Variants in ARFGEF1 observed in about 807,000 individuals in gnomAD.
The protein encoded by ARFGEF1 is ARF guanine nucleotide exchange factor 1.
Under a neutral mutation model 231.0 loss-of-function variants are expected in ARFGEF1, and 42 were observed. That is an observed-to-expected ratio of 0.18 (90% CI 0.14 to 0.24). The LOEUF is 0.24. Among genes scored for constraint, ARFGEF1 ranks in the 10% least tolerant of loss-of-function variants. The pLI is 1.00. For synonymous variants in ARFGEF1, 710 were observed against 732.3 expected, an observed-to-expected ratio of 0.97 and a Z score of 0.49; for missense variants, 1,345 against 2,192.0, an observed-to-expected ratio of 0.61 and a Z score of 7.72.
intron 1 of ARFGEF1, among the ~76,000 whole-genome samples, chr8:67,323,157 CAGG>C (rs1434612192): frequency 6.6e-6 from 1 of 152,106 alleles, no homozygotes; most frequent in Non-Finnish European, 1.5e-5. Context: ...GAGGCTGAGG[CAGG>C]AGAATTGCTT....
intron 3 of ARFGEF1, among the ~76,000 whole-genome samples, chr8:67,300,973 AAC>A (rs1335083220): frequency 3.9e-5 from 6 of 152,214 alleles, no homozygotes; most frequent in Non-Finnish European, 7.3e-5. Context: ...AGACCAAATC[AAC>A]ACTTTTCATT....
At chr8:67,175,991 T>A (rs1251092348) in intron 5 of ARFGEF1, among the ~76,000 whole-genome samples, 2 of 152,042 alleles carry the variant, frequency 1.3e-5, no homozygotes, top group African/African-American at 4.8e-5. Flanking sequence ...ATGCTGCTGC[T>A]CTTGAGGAGG....
At position 67,263,852 on chromosome 8, in the gene ARFGEF1, G is replaced by C. The variant is rs371282026; in HGVS notation, c.2123+2154C>G. 3.3e-5 allele frequency among the ~76,000 whole-genome samples: 5 copies of C among 152,296 alleles called. No homozygotes were observed. In the East Asian group the frequency reaches 7.7e-4, roughly 24 times the overall value. On this transcript the variant is annotated intron_variant, in intron 14 of 38. Coordinates refer to ENST00000262215, the MANE Select transcript of ARFGEF1 (RefSeq NM_006421.5). ...TAACACAGTAGAAGTAACTAACTTA[G>C]ATGGTCATAATATATTTCCTGGGAA...
chr8:67,290,025 T>TA (rs1479966954), intron 6 of ARFGEF1, among the ~76,000 whole-genome samples: 3 of 152,312 alleles, frequency 2.0e-5, no homozygotes, highest in African/African-American at 7.2e-5. Context: ...AGGAAATGCT[T>TA]AGAGAAGTTA....
At chr8:67,252,269 C>T (rs1447517471) in intron 18 of ARFGEF1, among the ~76,000 whole-genome samples, 1 of 61,092 alleles carries the variant, frequency 1.6e-5, no homozygotes, top group African/African-American at 6.8e-5. Context: ...GCCTGGGCAA[C>T]AAAACTCCAT....
chr8:67,325,436 T>C (rs976585677), intron 1 of ARFGEF1, among the ~76,000 whole-genome samples: 12 of 152,214 alleles, frequency 7.9e-5, no homozygotes, highest in African/African-American at 2.4e-4. Flanking sequence ...TTCCTATCTA[T>C]TGTCTCCTTA....
intron 1 of ARFGEF1, among the ~76,000 whole-genome samples, chr8:67,311,547 C>T (rs1442699057): frequency 6.8e-6 from 1 of 146,960 alleles, no homozygotes; most frequent in Admixed American, 6.6e-5. Context: ...GCCAGCCGCC[C>T]AGTCTGGGAG....
At chr8:67,239,935 A>T (rs1300417195) in intron 20 of ARFGEF1, among the ~76,000 whole-genome samples, 5 of 152,184 alleles carry the variant, frequency 3.3e-5, no homozygotes, top group Non-Finnish European at 1.5e-5. Context: ...ATAGAGAAAA[A>T]AAACTGTAAC....
At chr8:67,225,623 GAC>G (rs1355583898) in intron 28 of ARFGEF1, among the ~76,000 whole-genome samples, 2 of 152,092 alleles carry the variant, frequency 1.3e-5, no homozygotes, top group Admixed American at 1.3e-4. Context: ...ACACAGCACA[GAC>G]AGACAAGATG....
rs777168459 is a variant in ARFGEF1 at position 67,226,128 on chromosome 8, C to G, written c.3972G>C (p.Val1324=). 1 of 1,612,958 alleles carries G rather than the reference C, an allele frequency of 6.2e-7. No homozygotes were observed. The highest frequency in any genetic ancestry group is 1.1e-5 in the South Asian group (1 of 90,910). Residue 1324 remains valine (V), a synonymous_variant, in exon 28 of 39, where the codon GTG becomes GTC. Coordinates refer to ENST00000262215, the MANE Select transcript of ARFGEF1 (RefSeq NM_006421.5). Reference sequence around the variant, plus strand: ...TGCACGCAAATTCAGACAAACACTTCACTGCATCCTGGAAAGAATCAATGG... The same window carrying G: ...TGCACGCAAATTCAGACAAACACTTGACTGCATCCTGGAAAGAATCAATGG... ...PATIDSFQDA[V]KCLSEFACNA...
rs1197909586 is a variant in ARFGEF1 at position 67,266,090 on chromosome 8, C to T, written c.2039G>A (p.Ser680Asn). 9 of 1,613,738 alleles carry T rather than the reference C, an allele frequency of 5.6e-6. No individual in the cohort carries two copies. Among genetic ancestry groups the T allele is most frequent in the Non-Finnish European group, 7.6e-6 (9 of 1,179,822 alleles). Reference sequence around the variant, plus strand: ...ATTATCAGTGCCAGACATCTGTGTACTGTAGCTGCCTATTCCTGATGATGA... The same window carrying T: ...ATTATCAGTGCCAGACATCTGTGTATTGTAGCTGCCTATTCCTGATGATGA... ...STSSSGIGSY[S>N]TQMSGTDNPE... Residue 680 changes from serine (S) to asparagine (N), a missense_variant, in exon 14 of 39, where the codon AGT becomes AAT. Ser to Asn is a conservative substitution (Grantham distance 46, BLOSUM62 1). Transcript: ENST00000262215.
chr8:67,271,995 G>C, intron 9 of ARFGEF1, 59 bp from the exon 10 acceptor site: 2 of 1,021,502 alleles, frequency 2.0e-6, no homozygotes, highest in East Asian at 5.0e-5. Flanking sequence ...AGTAATAACA[G>C]GTTGTTCCAA....
downstream of ARFGEF1, among the ~76,000 whole-genome samples, chr8:67,195,060 C>G (rs1029942516): frequency 2.6e-5 from 4 of 152,162 alleles, no homozygotes; most frequent in Non-Finnish European, 5.9e-5. Context: ...ATAAGACTAC[C>G]TACATTCCTC....
At chr8:67,252,076 C>T (rs1840303059) in intron 18 of ARFGEF1, among the ~76,000 whole-genome samples, 1 of 151,908 alleles carries the variant, frequency 6.6e-6, no homozygotes, top group Non-Finnish European at 1.5e-5. Flanking sequence ...TCAAGACCAG[C>T]CTGACCAACA....
chr8:67,266,406 A>C (rs1198365879), intron 13 of ARFGEF1, among the ~76,000 whole-genome samples, 199 bp from the exon 14 acceptor site: 1 of 152,166 alleles, frequency 6.6e-6, no homozygotes, highest in Non-Finnish European at 1.5e-5. Flanking sequence ...TATAGTCTGC[A>C]CCATTAGGAG....
At chr8:67,208,765 TCAAAATTTAAAAA>T (rs1411733795) in intron 34 of ARFGEF1, among the ~76,000 whole-genome samples, 2 of 151,420 alleles carry the variant, frequency 1.3e-5, no homozygotes, top group Admixed American at 6.6e-5. Context: ...TTGGACTTCA[TCAAAATTTAAAAA>T]CAGGCAAAGG....
At chr8:67,177,893 T>C (rs775977229) in intron 5 of ARFGEF1, among the ~76,000 whole-genome samples, 35 of 152,172 alleles carry the variant, frequency 2.3e-4, no homozygotes, top group African/African-American at 3.6e-4. Flanking sequence ...GTAATATATA[T>C]AGAAAACATA....
intron 22 of ARFGEF1, among the ~76,000 whole-genome samples, chr8:67,235,178 ATATT>A (rs1839687232): frequency 6.6e-6 from 1 of 150,400 alleles, no homozygotes; most frequent in South Asian, 2.1e-4. Flanking sequence ...TAATAATAAA[ATATT>A]TAAAGGAATC....
chr8:67,203,197 G>A lies in ARFGEF1; in HGVS notation c.5014C>T (p.Arg1672Cys), dbSNP rs1310875470. ...RVDTQDQGMY[R>C]FLTSQQLFKL... ...AAAAGTTGTTGTGATGTTAAAAAGC[G>A]GTACATTCCTTGGTCTTGAGTATCA... is the stretch of plus-strand genomic sequence containing the variant. Residue 1672 changes from arginine to cysteine, a missense_variant, in exon 36 of 39, where the codon CGC becomes TGC. This residue lies in a region of ARFGEF1 where 161 missense variants were observed against 284.9 expected (regional missense o/e 0.57). Transcript: ENST00000262215. The A allele has an allele frequency of 1.1e-5, 17 of 1,614,130 alleles. No individual in the cohort carries two copies. The highest frequency in any genetic ancestry group is 3.3e-5 in the Admixed American group (2 of 60,016).
Sources: allele counts gnomAD v4.1 joint callset (sites outside exome capture counted in the v4.1 genomes callset), GRCh38; gene constraint gnomAD v4.1.1; regional missense constraint gnomAD v4.1.1; transcripts MANE v1.5; gene names NCBI Gene and HGNC (gene_info 2026-07-23, HGNC 2026-07-21).